CHD6: variants seen among roughly 807,000 people sequenced by gnomAD.
CHD6 encodes ATP-dependent chromatin remodeler CHD6.
A neutral mutation model predicts 276.9 loss-of-function variants in CHD6; 50 were observed. The ratio of observed to expected loss-of-function variants is 0.18; its 90% CI spans 0.14 to 0.23. CHD6 has a LOEUF of 0.23. Among genes scored for constraint, CHD6 ranks in the 10% least tolerant of loss-of-function variants. The probability of loss-of-function intolerance (pLI) is 1.00; values close to 1 mark genes in which losing one functional copy is unlikely to be tolerated. For synonymous variants in CHD6, 1,173 were observed against 1,229.3 expected (o/e 0.95, Z 0.96); for missense variants, 2,564 against 3,365.8 (o/e 0.76, Z 5.89).
chr20:41,511,949 A>G (rs1446197006), intron 5 of CHD6, among the ~76,000 whole-genome samples: 1 of 148,600 alleles, frequency 6.7e-6, no homozygotes, highest in Non-Finnish European at 1.5e-5. Context: ...CTTAACAGCG[A>G]TTTATTATAC....
In CHD6 at chr20:41,542,308, T is replaced by C. The variant is rs542838084; in HGVS notation, c.34-8738A>G. 2.0e-5 allele frequency among the ~76,000 whole-genome samples: 3 copies of C among 152,326 alleles called. No homozygotes were observed. The South Asian group carries it at 6.2e-4, about 32-fold the overall frequency. On this transcript the variant is annotated intron_variant, in intron 2 of 36. Coordinates refer to ENST00000373233, the MANE Select transcript of CHD6 (RefSeq NM_032221.5). ...CCCACATGTAGTTTTACAGTAGCTT[T>C]GGGCTACCAGAGGCCCTAGGCCCAA...
At chr20:41,492,557 G>T (rs773185358) in intron 10 of CHD6, among the ~76,000 whole-genome samples, 1 of 152,138 alleles carries the variant, frequency 6.6e-6, no homozygotes, top group Non-Finnish European at 1.5e-5. Flanking sequence ...TTTTTAAACA[G>T]AAACTGATCA....
rs557179937 is a variant in CHD6, at chr20:41,469,019, AG to A, written c.2664+4302del. Among the ~76,000 whole-genome samples, 32 of 152,206 alleles carry A rather than the reference AG, an allele frequency of 2.1e-4. No individual in the cohort carries two copies. In the South Asian group the frequency reaches 6.2e-3, roughly 30 times the overall value. ...GAAAACATAAAATTAGGTAAGAAATAGGGGGTGCAAGCAATGTGGTGGCAGC... is the reference window on the plus strand; with the variant it reads ...GAAAACATAAAATTAGGTAAGAAATAGGGGTGCAAGCAATGTGGTGGCAGC... On this transcript the variant is annotated intron_variant, in intron 17 of 36. Transcript: ENST00000373233.
chr20:41,519,623 T>C (rs1040581008), intron 3 of CHD6, among the ~76,000 whole-genome samples: 3 of 152,220 alleles, frequency 2.0e-5, no homozygotes, highest in African/African-American at 7.2e-5. Context: ...GCTAGCCATA[T>C]GTAGAAAGCT....
intron 2 of CHD6, among the ~76,000 whole-genome samples, chr20:41,535,249 G>A (rs893352215): frequency 3.9e-5 from 6 of 152,184 alleles, no homozygotes; most frequent in Admixed American, 3.9e-4. Flanking sequence ...GCAATAGCAA[G>A]AGCTGCAGCT....
intron 27 of CHD6, among the ~76,000 whole-genome samples, chr20:41,431,318 G>A (rs2047530288): frequency 6.6e-6 from 1 of 152,164 alleles, no homozygotes; most frequent in African/African-American, 2.4e-5. Flanking sequence ...CTGTTACAGG[G>A]GTCAGAGCTG....
At chr20:41,491,669 A>AAT (rs747102553) in intron 11 of CHD6, 29 bp downstream of exon 11, 3 of 1,613,248 alleles carry the variant, frequency 1.9e-6, no homozygotes, top group Non-Finnish European at 2.5e-6. Context: ...CTCTGGGTAC[A>AAT]AACATCTGGG....
rs2046594102 is a variant in CHD6, at chr20:41,403,811, C to T, written c.*782G>A. ...TGTGCTTGTGAAGCAGCGTGTAGCTCTACGGAGCGCGGGTCCTTGCCCCAC... is the reference window on the plus strand; with the variant it reads ...TGTGCTTGTGAAGCAGCGTGTAGCTTTACGGAGCGCGGGTCCTTGCCCCAC... On this transcript the variant is annotated 3_prime_UTR_variant, in exon 37 of 37. Coordinates refer to ENST00000373233, the MANE Select transcript of CHD6 (RefSeq NM_032221.5). 2 of 1,057,824 alleles carry T rather than the reference C, an allele frequency of 1.9e-6. No individual in the cohort carries two copies. Among genetic ancestry groups the T allele is most frequent in the South Asian group, 9.1e-5 (2 of 21,934 alleles). 65.5% of individuals were successfully genotyped at this position (1,057,824 alleles called of 1,614,324 possible).
chr20:41,576,085 A>G (rs977828256), intron 1 of CHD6, among the ~76,000 whole-genome samples: 2 of 152,304 alleles, frequency 1.3e-5, no homozygotes, highest in East Asian at 3.9e-4. Flanking sequence ...TCTTCAAGCA[A>G]AATTTACTAA....
intron 33 of CHD6, among the ~76,000 whole-genome samples, 199 bp from the exon 34 acceptor site, chr20:41,415,837 G>C (rs2046979608): frequency 6.6e-6 from 1 of 152,214 alleles, no homozygotes. Flanking sequence ...GGTAGAGCCT[G>C]AGAATCTGCT....
intron 13 of CHD6, 130 bp from the exon 14 acceptor site, chr20:41,487,938 A>T (rs1249332418): frequency 1.1e-6 from 1 of 871,438 alleles, no homozygotes; most frequent in Admixed American, 3.0e-5. Flanking sequence ...ATGAAAAGAT[A>T]ATATGCCATC....
chr20:41,547,311 T>C (rs948961196), intron 2 of CHD6: 1 of 190,864 alleles, frequency 5.2e-6, no homozygotes, highest in African/African-American at 2.3e-5. Context: ...TACTTCCATT[T>C]AAATGACAGA....
chr20:41,541,371 T>C (rs2146110583), intron 2 of CHD6, among the ~76,000 whole-genome samples: 1 of 152,348 alleles, frequency 6.6e-6, no homozygotes, highest in African/African-American at 2.4e-5. Flanking sequence ...AGCAGGTACT[T>C]TGATCCTGGT....
intron 17 of CHD6, among the ~76,000 whole-genome samples, chr20:41,467,584 AAAG>A (rs1484053069): frequency 6.6e-6 from 1 of 150,574 alleles, no homozygotes; most frequent in East Asian, 2.0e-4. Context: ...AAAAAAAAAA[AAAG>A]GCTGGGTGTT....
intron 5 of CHD6, among the ~76,000 whole-genome samples, chr20:41,501,292 T>C (rs1244757946): frequency 2.6e-5 from 4 of 152,234 alleles, no homozygotes; most frequent in Non-Finnish European, 5.9e-5. Context: ...ACTTGTAGTA[T>C]GCAGAAATCT....
At chr20:41,508,614 A>G (rs1024382421) in intron 5 of CHD6, among the ~76,000 whole-genome samples, 1 of 152,136 alleles carries the variant, frequency 6.6e-6, no homozygotes, top group Non-Finnish European at 1.5e-5. Flanking sequence ...TGGTGGTTGT[A>G]CCCAGTGAAG....
intron 1 of CHD6, among the ~76,000 whole-genome samples, chr20:41,590,891 C>T (rs931376163): frequency 2.0e-5 from 3 of 151,598 alleles, no homozygotes; most frequent in African/African-American, 7.3e-5. Context: ...AATCATGCTG[C>T]TATAAAGACA....
chr20:41,442,891 T>C (rs560291831), intron 25 of CHD6, among the ~76,000 whole-genome samples: 1 of 152,216 alleles, frequency 6.6e-6, no homozygotes, highest in South Asian at 2.1e-4. Context: ...TTGACTCCAA[T>C]GTAACCATCC....
chr20:41,409,609 G>A lies in CHD6; in HGVS notation c.7251+2535C>T, dbSNP rs145551240. 3.0e-3 allele frequency among the ~76,000 whole-genome samples: 455 copies of A among 152,188 alleles called. 2 individuals are homozygous for A. Among genetic ancestry groups the A allele is most frequent in the African/African-American group, 0.01 (428 of 41,498 alleles). On this transcript the variant is annotated intron_variant, in intron 36 of 36. Coordinates refer to ENST00000373233, the MANE Select transcript of CHD6 (RefSeq NM_032221.5). ...CACGCTGGGTGAAAAGAGACCTAAC[G>A]ACAAAATGCGACGTGTGGCTCTTCA... is the stretch of plus-strand genomic sequence containing the variant.
Sources: gnomAD v4.1 joint callset for allele counts (sites outside exome capture counted in the v4.1 genomes callset) on GRCh38, gnomAD v4.1.1 for gene constraint, MANE v1.5 for transcripts, NCBI Gene and HGNC (gene_info 2026-07-23, HGNC 2026-07-21) for gene names.